Variants in PRKCH observed in about 807,000 individuals in gnomAD.
PRKCH encodes the protein protein kinase C eta type.
Under a neutral mutation model 82.5 loss-of-function variants are expected in PRKCH, and 28 were observed. That is an observed-to-expected ratio of 0.34 (90% CI 0.25 to 0.47). The LOEUF (loss-of-function observed/expected upper bound fraction) is 0.47. PRKCH is among the 20% of genes least tolerant of loss of function. PRKCH has a pLI of 1.00. For synonymous variants in PRKCH, 322 were observed against 327.4 expected (o/e 0.98, Z 0.18); for missense variants, 705 against 881.8 (o/e 0.80, Z 2.54).
At chr14:61,521,165 C>T (rs1284743938) in intron 10 of PRKCH, among the ~76,000 whole-genome samples, 3 of 152,062 alleles carry the variant, frequency 2.0e-5, no homozygotes, top group African/African-American at 7.2e-5. Context: ...AAAGACTGAA[C>T]CCATCATCAT....
intron 1 of PRKCH, among the ~76,000 whole-genome samples, chr14:61,263,913 G>C (rs1018768283): frequency 6.6e-6 from 1 of 150,902 alleles, no homozygotes; most frequent in African/African-American, 2.5e-5. Flanking sequence ...GTGTACGCAC[G>C]TGCATGTGCA....
At chr14:61,401,557 A>G (rs1470859153) in intron 2 of PRKCH, among the ~76,000 whole-genome samples, 4 of 152,204 alleles carry the variant, frequency 2.6e-5, no homozygotes, top group East Asian at 1.9e-4. Context: ...ATTTGCCCCA[A>G]TGGTGCAAAA....
At chr14:61,498,223 A>G (rs1291383506) in intron 10 of PRKCH, among the ~76,000 whole-genome samples, 1 of 152,146 alleles carries the variant, frequency 6.6e-6, no homozygotes, top group African/African-American at 2.4e-5. Context: ...CATGTTGGCC[A>G]GGCTAGTCTC....
At chr14:61,198,385 TTC>T (rs1439809206) in intron 1 of PRKCH, among the ~76,000 whole-genome samples, 1 of 152,204 alleles carries the variant, frequency 6.6e-6, no homozygotes, top group Non-Finnish European at 1.5e-5. Flanking sequence ...TGTACACTGT[TTC>T]CTCTGTTGGA....
At chr14:61,274,492 A>G (rs927483989) in intron 1 of PRKCH, among the ~76,000 whole-genome samples, 2 of 152,240 alleles carry the variant, frequency 1.3e-5, no homozygotes, top group South Asian at 4.1e-4. Flanking sequence ...AGGCTTCTCC[A>G]ACTTTCAGAT....
At chr14:61,428,627 T>G (rs1181782299) in intron 2 of PRKCH, among the ~76,000 whole-genome samples, 1 of 152,168 alleles carries the variant, frequency 6.6e-6, no homozygotes, top group Non-Finnish European at 1.5e-5. Context: ...CCTGGGGTGG[T>G]TTGTTGTAGG....
chr14:61,470,619 G>A (rs1246505042), intron 9 of PRKCH, among the ~76,000 whole-genome samples: 1 of 152,044 alleles, frequency 6.6e-6, no homozygotes, highest in Non-Finnish European at 1.5e-5. Flanking sequence ...TTCTGTGGGA[G>A]GCTTCCAATT....
intron 10 of PRKCH, among the ~76,000 whole-genome samples, chr14:61,492,739 C>T (rs765182899): frequency 3.9e-5 from 6 of 152,146 alleles, no homozygotes; most frequent in Admixed American, 2.6e-4. Flanking sequence ...CCCTTTGAGG[C>T]GCTTTCTGTG....
chr14:61,528,018 T>C (rs2042990188), intron 10 of PRKCH: 1 of 152,242 alleles, frequency 6.6e-6, no homozygotes, highest in South Asian at 2.1e-4. Context: ...CTCGTAGCAC[T>C]TGGTTCATAC....
intron 9 of PRKCH, among the ~76,000 whole-genome samples, chr14:61,481,174 G>A (rs1288414543): frequency 6.6e-6 from 1 of 152,214 alleles, no homozygotes; most frequent in Non-Finnish European, 1.5e-5. Context: ...AGTTTTAGGA[G>A]ACTGGGTCCT....
At position 61,368,292 on chromosome 14, in the gene PRKCH, A is replaced by G. The variant is rs560007162; in HGVS notation, c.364-22933A>G. 1.4e-3 allele frequency among the ~76,000 whole-genome samples: 217 copies of G among 151,682 alleles called. 1 individual carries two copies. The highest frequency in any genetic ancestry group is 6.8e-3 in the Middle Eastern group (2 of 294). On this transcript the variant is annotated intron_variant, in intron 1 of 13. Transcript: ENST00000332981. ...CTTCACCTCTTCTCTGGCTATTACC[A>G]GTACTTCCTCACTATCCCTAGTCAT...
chr14:61,377,390 T>C (rs1044808706), intron 1 of PRKCH, among the ~76,000 whole-genome samples: 1 of 152,274 alleles, frequency 6.6e-6, no homozygotes, highest in Non-Finnish European at 1.5e-5. Flanking sequence ...CTACATGATT[T>C]GTCTTTATTT....
intron 1 of PRKCH, among the ~76,000 whole-genome samples, chr14:61,243,955 A>T (rs1778754761): frequency 6.6e-6 from 1 of 152,068 alleles, no homozygotes; most frequent in Admixed American, 6.6e-5. Flanking sequence ...AATTAAAAAA[A>T]AAAAAAAATA....
intron 1 of PRKCH, among the ~76,000 whole-genome samples, chr14:61,331,512 C>G (rs1594919919): frequency 6.6e-6 from 1 of 152,078 alleles, no homozygotes. Flanking sequence ...CAGAGTGAGA[C>G]TTTGTCTCAA....
At chr14:61,250,906 T>A (rs1333749712) in intron 1 of PRKCH, among the ~76,000 whole-genome samples, 2 of 152,066 alleles carry the variant, frequency 1.3e-5, no homozygotes, top group Admixed American at 6.6e-5. Flanking sequence ...AGCCATTTTT[T>A]AAAAAAAGGT....
intron 2 of PRKCH, among the ~76,000 whole-genome samples, chr14:61,413,131 C>T (rs931327371): frequency 6.6e-6 from 1 of 152,134 alleles, no homozygotes; most frequent in African/African-American, 2.4e-5. Flanking sequence ...TCTTGACAAA[C>T]GTTTTGTATC....
intron 1 of PRKCH, among the ~76,000 whole-genome samples, chr14:61,360,106 T>C (rs772370908): frequency 7.2e-5 from 11 of 152,202 alleles, no homozygotes; most frequent in African/African-American, 1.2e-4. Context: ...AAACACCAAA[T>C]GTTATATTGT....
At chr14:61,291,220 T>A (rs2045358428) in intron 1 of PRKCH, among the ~76,000 whole-genome samples, 1 of 152,178 alleles carries the variant, frequency 6.6e-6, no homozygotes, top group Non-Finnish European at 1.5e-5. Context: ...TGTGCATAAG[T>A]TTTAAAATAT....
chr14:61,373,705 A>T (rs1594635061), intron 1 of PRKCH, among the ~76,000 whole-genome samples: 1 of 152,138 alleles, frequency 6.6e-6, no homozygotes, highest in East Asian at 1.9e-4. Context: ...GGTTCAAGCA[A>T]TTCTTCTGCC....
Sources: gnomAD v4.1 joint callset for allele counts (sites outside exome capture counted in the v4.1 genomes callset) on GRCh38, gnomAD v4.1.1 for gene constraint, MANE v1.5 for transcripts, NCBI Gene and HGNC (gene_info 2026-07-23, HGNC 2026-07-21) for gene names.